The following RIC3 variants were observed in gnomAD, a reference collection of about 807,000 sequenced individuals.
The protein encoded by RIC3 is protein RIC-3.
Under a neutral mutation model 27.3 loss-of-function variants are expected in RIC3, and 28 were observed. That is an observed-to-expected ratio of 1.02 (90% CI 0.76 to 1.41). RIC3 has a LOEUF of 1.41. Among genes scored for constraint, RIC3 ranks in the 40% most tolerant of loss-of-function variants. The pLI, the probability that RIC3 is intolerant of heterozygous loss-of-function variation, is 0.00. For missense variants in RIC3, 501 were observed against 444.7 expected, an observed-to-expected ratio of 1.13 and a Z score of -1.14; for synonymous variants, 184 against 160.4, an observed-to-expected ratio of 1.15 and a Z score of -1.11.
intron 1 of RIC3, among the ~76,000 whole-genome samples, chr11:8,161,045 C>CAAGGGGAAAAGTGAGCTG (rs1401310758): frequency 6.6e-6 from 1 of 152,096 alleles, no homozygotes; most frequent in African/African-American, 2.4e-5. Context: ...TTCAATATTT[C>CAAGGGGAAAAGTGAGCTG]AAGGGGAAAA....
chr11:8,146,932 G>A lies in RIC3; in HGVS notation c.125-6739C>T, dbSNP rs188116163. ...TAGCAGACTTCTGAGGGAGTAGATT[G>A]TAAAATGTTTCTTACATGAAAGGAA... On this transcript the variant is annotated intron_variant, in intron 1 of 5. Coordinates refer to ENST00000309737, the MANE Select transcript of RIC3 (RefSeq NM_001206671.4). 3.0e-3 allele frequency among the ~76,000 whole-genome samples: 456 copies of A among 152,280 alleles called. 5 individuals carry two copies. The highest frequency in any genetic ancestry group is 9.6e-3 in the African/African-American group (400 of 41,560).
At chr11:8,143,196 G>C (rs1437731068) in intron 1 of RIC3, among the ~76,000 whole-genome samples, 1 of 147,194 alleles carries the variant, frequency 6.8e-6, no homozygotes, top group South Asian at 2.2e-4. Context: ...GGCAGGAGAA[G>C]GAAATAAAGG....
At chr11:8,137,111 G>A (rs995071010) in intron 4 of RIC3, among the ~76,000 whole-genome samples, 6 of 152,036 alleles carry the variant, frequency 3.9e-5, no homozygotes, top group South Asian at 4.1e-4. Context: ...TGCAACCTCC[G>A]CCTCCCAGGT....
chr11:8,100,914 A>G, the RIC3 span: 7 of 1,614,162 alleles, frequency 4.3e-6, no homozygotes, highest in Non-Finnish European at 4.2e-6. Context: ...TGGAATGATG[A>G]CACACAGTCC....
At position 8,110,784 on chromosome 11, in the gene RIC3, A is replaced by T; in HGVS notation, c.1024T>A (p.Phe342Ile). The T allele has an allele frequency of 6.2e-7, 1 of 1,614,234 alleles. No homozygotes were observed. The highest frequency in any genetic ancestry group is 8.5e-7 in the Non-Finnish European group (1 of 1,180,050). The change falls in exon 6 of 6, where the codon TTT becomes ATT. Residue 342 changes from phenylalanine (F) to isoleucine (I), a missense_variant. Coordinates refer to ENST00000309737, the MANE Select transcript of RIC3 (RefSeq NM_001206671.4). Reference sequence around the variant, plus strand: ...CTGATGCCCAACCCTTCATCTTTAAAGTCTTGGGACCACTCTTCTTTGGTG... The same window carrying T: ...CTGATGCCCAACCCTTCATCTTTAATGTCTTGGGACCACTCTTCTTTGGTG... ...ETTKEEWSQD[F>I]KDEGLGISTD...
chr11:8,113,122 T>C (rs1273076205), intron 5 of RIC3, among the ~76,000 whole-genome samples: 3 of 152,172 alleles, frequency 2.0e-5, no homozygotes, highest in Non-Finnish European at 4.4e-5. Context: ...CTAGGTAAAG[T>C]GGAGCTTAGC....
At chr11:8,141,682 T>C (rs560579353) in intron 1 of RIC3, among the ~76,000 whole-genome samples, 2 of 152,210 alleles carry the variant, frequency 1.3e-5, no homozygotes, top group African/African-American at 2.4e-5. Context: ...GTGGACCTAA[T>C]AGACACCTAC....
At chr11:8,102,200 G>GA (rs1944337891), downstream of RIC3, 1 of 152,598 alleles carries the variant, frequency 6.6e-6, no homozygotes, top group Non-Finnish European at 1.5e-5. Context: ...GGGTGGTGGG[G>GA]ACAGGTAAGT....
chr11:8,140,091 A>C lies in RIC3; in HGVS notation c.227T>G (p.Phe76Cys), dbSNP rs1261227468. Residue 76 changes from phenylalanine (F) to cysteine (C), a missense_variant, in exon 2 of 6, where the codon TTT (phenylalanine) becomes TGT (cysteine). By Grantham distance (205) the Phe-to-Cys change is radical (BLOSUM62 -2). Coordinates refer to ENST00000309737, the MANE Select transcript of RIC3 (RefSeq NM_001206671.4). ...RFQRSHLAEAFAKAKGSGGGA... is the reference protein window; with the variant it reads ...RFQRSHLAEACAKAKGSGGGA... ...TCCACCTGATCCTTTGGCCTTTGCA[A>C]ATGCCTCGGCAAGGTGAGACCTCTG... 9.3e-6 allele frequency: 15 copies of C among 1,614,054 alleles called. No homozygotes were observed. The highest frequency in any genetic ancestry group is 1.3e-5 in the Non-Finnish European group (15 of 1,180,020).
chr11:8,100,764 CT>C, the RIC3 span: 3 of 1,598,620 alleles, frequency 1.9e-6, no homozygotes, highest in Non-Finnish European at 2.6e-6. Context: ...GGATAGATCC[CT>C]TTCTGGGGTG....
intron 1 of RIC3, among the ~76,000 whole-genome samples, chr11:8,153,717 C>T (rs531252515): frequency 4.6e-5 from 7 of 152,228 alleles, no homozygotes; most frequent in Admixed American, 4.6e-4. Context: ...CTGACTTTTC[C>T]CCCAAGCTCT....
the RIC3 span, among the ~76,000 whole-genome samples, chr11:8,099,518 A>G: frequency 6.6e-6 from 1 of 152,190 alleles, no homozygotes; most frequent in Non-Finnish European, 1.5e-5. Context: ...TTGGGGAGGC[A>G]GCCTGAGTCT....
the RIC3 span, chr11:8,096,650 C>T: frequency 5.0e-5 from 71 of 1,424,000 alleles, 1 homozygote; most frequent in Non-Finnish European, 7.1e-5. Context: ...TAGACTTCTC[C>T]TCCTTCATCC....
chr11:8,120,902 A>G (rs889483897), intron 5 of RIC3, among the ~76,000 whole-genome samples: 26 of 152,176 alleles, frequency 1.7e-4, no homozygotes, highest in Non-Finnish European at 3.4e-4. Flanking sequence ...CAACGATTTT[A>G]TACCCAGCCA....
rs7113361 is a variant in RIC3, at chr11:8,111,466, A to G, written c.671-329T>C. Among the ~76,000 whole-genome samples the G allele has an allele frequency of 8.3e-3, 1,266 of 152,286 alleles. 17 individuals are homozygous for G. Among genetic ancestry groups the G allele is most frequent in the African/African-American group, 0.028 (1,181 of 41,564 alleles). ...AACAACATGAGCCTTTAGTTAAAAC[A>G]AAAAAAGCATCAAAACCAGACAGAG... On this transcript the variant is annotated intron_variant, in intron 5 of 5. Coordinates refer to ENST00000309737, the MANE Select transcript of RIC3 (RefSeq NM_001206671.4).
chr11:8,133,493 A>G (rs1445284836), intron 4 of RIC3, among the ~76,000 whole-genome samples: 1 of 152,228 alleles, frequency 6.6e-6, no homozygotes, highest in Non-Finnish European at 1.5e-5. Flanking sequence ...GTAAAGAGCC[A>G]GGAGCCATGC....
intron 1 of RIC3, among the ~76,000 whole-genome samples, chr11:8,145,319 C>G (rs981053938): frequency 6.6e-6 from 1 of 151,796 alleles, no homozygotes; most frequent in Non-Finnish European, 1.5e-5. Context: ...CTCTCTCCTT[C>G]TCTATGGGGC....
At chr11:8,136,384 G>A (rs1332080290) in intron 4 of RIC3, among the ~76,000 whole-genome samples, 1 of 152,200 alleles carries the variant, frequency 6.6e-6, no homozygotes, top group Non-Finnish European at 1.5e-5. Flanking sequence ...ATGGGATTCT[G>A]CCACTCCCCC....
intron 3 of RIC3, 148 bp from the exon 4 acceptor site, chr11:8,137,619 T>G (rs1438161880): frequency 1.9e-6 from 1 of 533,696 alleles, no homozygotes; most frequent in Admixed American, 3.3e-5. Context: ...AAGGATTCTG[T>G]GAATATTTAA....
Sources: allele counts gnomAD v4.1 joint callset (sites outside exome capture counted in the v4.1 genomes callset), GRCh38; gene constraint gnomAD v4.1.1; transcripts MANE v1.5; gene names NCBI Gene and HGNC (gene_info 2026-07-23, HGNC 2026-07-21).